The following PRMT3 variants were observed in gnomAD, a reference collection of about 807,000 sequenced individuals.
PRMT3 encodes protein arginine methyltransferase 3.
In PRMT3, 62 loss-of-function variants were observed where a neutral mutation model predicts 71.9. That is an observed-to-expected ratio of 0.86 (90% CI 0.70 to 1.07). The LOEUF (loss-of-function observed/expected upper bound fraction) is 1.07. Ranked by LOEUF, PRMT3 falls within the 50% of genes least tolerant of loss-of-function variation. PRMT3 has a pLI of 0.00. For missense variants in PRMT3, 663 were observed against 643.0 expected (o/e 1.03, Z -0.34); for synonymous variants, 213 against 220.4 (o/e 0.97, Z 0.30).
intron 15 of PRMT3, among the ~76,000 whole-genome samples, chr11:20,497,223 C>G (rs1415229326): frequency 6.6e-6 from 1 of 152,110 alleles, no homozygotes. Context: ...GTTTTAAAAT[C>G]CTAACTATTC....
At chr11:20,493,806 GTATT>G (rs1161073290) in intron 13 of PRMT3, 109 bp from the exon 14 acceptor site, 1 of 690,436 alleles carries the variant, frequency 1.4e-6, no homozygotes, top group Non-Finnish European at 2.4e-6. Context: ...AGTTTAAGAG[GTATT>G]TAGTCTCTGA....
chr11:20,508,133 GA>G (rs1372662620), intron 15 of PRMT3, among the ~76,000 whole-genome samples, 170 bp from the exon 16 acceptor site: 1 of 126,822 alleles, frequency 7.9e-6, no homozygotes, highest in Non-Finnish European at 1.6e-5. Context: ...CTGGGTGACA[GA>G]GTGAGACTCC....
At chr11:20,440,009 T>C (rs1417974078) in intron 10 of PRMT3, among the ~76,000 whole-genome samples, 1 of 152,136 alleles carries the variant, frequency 6.6e-6, no homozygotes, top group Non-Finnish European at 1.5e-5. Context: ...GAGGAAAGGA[T>C]GATGCTGAAA....
intron 9 of PRMT3, among the ~76,000 whole-genome samples, chr11:20,422,260 T>G (rs957805851): frequency 2.6e-5 from 4 of 152,124 alleles, no homozygotes; most frequent in African/African-American, 9.7e-5. Context: ...TCACCAGGCT[T>G]TTTTGGTGTT....
chr11:20,462,769 C>T (rs1590082444), intron 12 of PRMT3, among the ~76,000 whole-genome samples: 1 of 151,452 alleles, frequency 6.6e-6, no homozygotes, highest in East Asian at 1.9e-4. Flanking sequence ...AACTTTGCAG[C>T]AAAAAACAAT....
At chr11:20,413,840 A>G (rs1465327423) in intron 9 of PRMT3, among the ~76,000 whole-genome samples, 1 of 152,062 alleles carries the variant, frequency 6.6e-6, no homozygotes, top group African/African-American at 2.4e-5. Flanking sequence ...AGTTTTCTAT[A>G]ACATCAGTCA....
intron 15 of PRMT3, among the ~76,000 whole-genome samples, chr11:20,497,875 C>T (rs1318097933): frequency 6.6e-6 from 1 of 151,986 alleles, no homozygotes; most frequent in African/African-American, 2.4e-5. Flanking sequence ...AACTTAGTAG[C>T]CACAAAGGAA....
intron 13 of PRMT3, among the ~76,000 whole-genome samples, chr11:20,475,047 C>G (rs1299604775): frequency 6.6e-6 from 1 of 152,144 alleles, no homozygotes. Flanking sequence ...GGGTAGGCTG[C>G]AAGCTGGGAC....
At chr11:20,507,969 G>A (rs1454677521) in intron 15 of PRMT3, among the ~76,000 whole-genome samples, 2 of 151,850 alleles carry the variant, frequency 1.3e-5, no homozygotes, top group African/African-American at 2.4e-5. Flanking sequence ...AGCTGGGCAT[G>A]GTGGCATGCG....
intron 12 of PRMT3, among the ~76,000 whole-genome samples, chr11:20,462,888 AAG>A (rs1850418447): frequency 1.3e-5 from 2 of 151,690 alleles, no homozygotes; most frequent in African/African-American, 2.4e-5. Flanking sequence ...AAAAAAAAAA[AAG>A]AGTCTCACTC....
intron 9 of PRMT3, among the ~76,000 whole-genome samples, chr11:20,422,229 A>G (rs569298982): frequency 6.6e-6 from 1 of 152,216 alleles, no homozygotes; most frequent in African/African-American, 2.4e-5. Flanking sequence ...GTAAATGTTG[A>G]GAGTTTATGC....
chr11:20,432,732 T>A (rs2133360465), intron 10 of PRMT3, among the ~76,000 whole-genome samples: 1 of 152,358 alleles, frequency 6.6e-6, no homozygotes, highest in East Asian at 1.9e-4. Context: ...TTTTGTCTTT[T>A]TGATAACAGC....
At chr11:20,482,732 T>A (rs190099885) in intron 13 of PRMT3, among the ~76,000 whole-genome samples, 1 of 152,096 alleles carries the variant, frequency 6.6e-6, no homozygotes, top group Non-Finnish European at 1.5e-5. Context: ...GGCATTAAGA[T>A]CTTCTAAAAA....
At chr11:20,423,799 G>A (rs563019938) in intron 9 of PRMT3, among the ~76,000 whole-genome samples, 11 of 141,600 alleles carry the variant, frequency 7.8e-5, no homozygotes, top group African/African-American at 1.3e-4. Flanking sequence ...TCTTGATCCC[G>A]GGAGTTTGAG....
Position 20,462,155 on chromosome 11 carries a change from T to C in PRMT3, c.1248T>C (p.Pro416=), listed in dbSNP as rs1311977790. The C allele has an allele frequency of 6.2e-7, 1 of 1,605,540 alleles. No individual in the cohort carries two copies. The highest frequency in any genetic ancestry group is 1.7e-5 in the Admixed American group (1 of 59,854). ...ATCCGAAGACTCTTATTTCAGAACCTTGTGGTATTAAGGTAGGTGTTTTAC... is the reference window on the plus strand; with the variant it reads ...ATCCGAAGACTCTTATTTCAGAACCCTGTGGTATTAAGGTAGGTGTTTTAC... ...VLDPKTLISE[P]CGIKHIDCHT... Residue 416 remains proline, a synonymous_variant, in exon 12 of 16, where the codon CCT becomes CCC. Coordinates refer to ENST00000331079, the MANE Select transcript of PRMT3 (RefSeq NM_005788.4).
Position 20,442,414 on chromosome 11 carries a change from G to C in PRMT3, c.994-9716G>C, listed in dbSNP as rs1367954103. ...TTTTTATGTACATTTTAAGATAACAGGACATTCTGTTTCTTCTTCTGTTAT... is the reference window on the plus strand; with the variant it reads ...TTTTTATGTACATTTTAAGATAACACGACATTCTGTTTCTTCTTCTGTTAT... On this transcript the variant is annotated intron_variant, in intron 10 of 15. Coordinates refer to ENST00000331079, the MANE Select transcript of PRMT3 (RefSeq NM_005788.4). 7.2e-5 allele frequency among the ~76,000 whole-genome samples: 11 copies of C among 151,884 alleles called. No homozygotes were observed. The East Asian group carries it at 1.5e-3, about 21-fold the overall frequency.
chr11:20,432,892 T>G (rs1028457906), intron 10 of PRMT3, among the ~76,000 whole-genome samples: 2 of 152,174 alleles, frequency 1.3e-5, no homozygotes, highest in Non-Finnish European at 2.9e-5. Flanking sequence ...CCATTTTTGA[T>G]CAGATTATTT....
At chr11:20,429,499 CCT>C (rs1311634942) in intron 10 of PRMT3, among the ~76,000 whole-genome samples, 2 of 152,186 alleles carry the variant, frequency 1.3e-5, no homozygotes, top group African/African-American at 2.4e-5. Context: ...TCAGGTAAGA[CCT>C]CTCTCTTCAT....
chr11:20,407,020 T>G (rs918954848), intron 8 of PRMT3: 1 of 152,212 alleles, frequency 6.6e-6, no homozygotes, highest in Non-Finnish European at 1.5e-5. Flanking sequence ...AATATTTGTA[T>G]ACATATGCGA....
Sources: allele counts gnomAD v4.1 joint callset (sites outside exome capture counted in the v4.1 genomes callset), GRCh38; gene constraint gnomAD v4.1.1; transcripts MANE v1.5; gene names NCBI Gene and HGNC (gene_info 2026-07-23, HGNC 2026-07-21).